The following FHIT variants were observed in gnomAD, a reference collection of about 807,000 sequenced individuals.
FHIT encodes the protein fragile histidine triad diadenosine triphosphatase.
FHIT carries 19 observed loss-of-function variants against 17.9 expected under a neutral mutation model. That is an observed-to-expected ratio of 1.06 (90% CI 0.74 to 1.56). The LOEUF (loss-of-function observed/expected upper bound fraction) is 1.56. Among genes scored for constraint, FHIT ranks in the 40% most tolerant of loss-of-function variants. FHIT has a pLI of 0.00. For missense variants in FHIT, 248 were observed against 189.2 expected (o/e 1.31, Z -1.82); for synonymous variants, 81 against 69.7 (o/e 1.16, Z -0.81).
chr3:60,763,478 G>T (rs530717477), intron 4 of FHIT, among the ~76,000 whole-genome samples: 24 of 152,160 alleles, frequency 1.6e-4, no homozygotes, highest in Non-Finnish European at 3.1e-4. Context: ...GCAATTCAAT[G>T]CATTATCTCT....
intron 4 of FHIT, among the ~76,000 whole-genome samples, chr3:60,571,369 A>AAAAAAAAAC (rs1559549076): frequency 1.7e-5 from 2 of 119,834 alleles, no homozygotes; most frequent in Non-Finnish European, 1.7e-5. Context: ...AAAAAGAACA[A>AAAAAAAAAC]TGAATGACGT....
chr3:61,051,084 A>G (rs1266676473), intron 2 of FHIT, among the ~76,000 whole-genome samples: 2 of 152,190 alleles, frequency 1.3e-5, no homozygotes, highest in Non-Finnish European at 2.9e-5. Flanking sequence ...CAATTATGAC[A>G]TATATCCCAA....
intron 5 of FHIT, among the ~76,000 whole-genome samples, chr3:60,141,107 C>T (rs1170451227): frequency 6.6e-6 from 1 of 152,130 alleles, no homozygotes; most frequent in Admixed American, 6.5e-5. Flanking sequence ...GGACATCAAT[C>T]TGTCAGTCAT....
chr3:60,259,723 C>G (rs75062558), intron 5 of FHIT, among the ~76,000 whole-genome samples: 5,795 of 152,080 alleles, frequency 0.038, 166 homozygotes, highest in East Asian at 0.12. Context: ...CAGTAAGTAG[C>G]TAGGCTGCCC....
At chr3:60,645,719 C>T (rs1031396570) in intron 4 of FHIT, among the ~76,000 whole-genome samples, 2 of 152,142 alleles carry the variant, frequency 1.3e-5, no homozygotes, top group African/African-American at 4.8e-5. Context: ...CTACTACCTA[C>T]GTCGTACACA....
intron 4 of FHIT, among the ~76,000 whole-genome samples, chr3:60,560,640 C>T (rs2036903224): frequency 6.6e-6 from 1 of 152,036 alleles, no homozygotes; most frequent in Admixed American, 6.5e-5. Context: ...CCTTATCTGG[C>T]CTGCTTGCCA....
chr3:60,612,415 C>G (rs782288831), intron 4 of FHIT, among the ~76,000 whole-genome samples: 10 of 152,136 alleles, frequency 6.6e-5, no homozygotes, highest in Non-Finnish European at 1.3e-4. Context: ...GATTACTCCA[C>G]AAAAGATACT....
chr3:60,774,064 T>G (rs941595144), intron 4 of FHIT, among the ~76,000 whole-genome samples: 1 of 152,210 alleles, frequency 6.6e-6, no homozygotes, highest in Non-Finnish European at 1.5e-5. Context: ...GGCAAAATTA[T>G]CTTCATGATG....
intron 5 of FHIT, among the ~76,000 whole-genome samples, chr3:60,396,798 T>G (rs950391872): frequency 1.3e-5 from 2 of 152,214 alleles, no homozygotes; most frequent in Non-Finnish European, 2.9e-5. Flanking sequence ...TTATGTGAAT[T>G]ACATCTCAAT....
intron 2 of FHIT, among the ~76,000 whole-genome samples, chr3:61,120,714 G>A (rs528761074): frequency 6.6e-6 from 1 of 152,030 alleles, no homozygotes; most frequent in Non-Finnish European, 1.5e-5. Flanking sequence ...CTCCTCCCCA[G>A]CAAGGGAACA....
chr3:60,953,443 TAA>T, intron 3 of FHIT, among the ~76,000 whole-genome samples: 1 of 149,938 alleles, frequency 6.7e-6, no homozygotes, highest in Non-Finnish European at 1.5e-5. Context: ...CTATCCTACT[TAA>T]AAAAAAAAGT....
At chr3:59,837,696 A>G (rs1006781073) in intron 8 of FHIT, among the ~76,000 whole-genome samples, 5 of 152,180 alleles carry the variant, frequency 3.3e-5, no homozygotes, top group African/African-American at 9.6e-5. Flanking sequence ...ACGTTTTTCT[A>G]TGAGGAGCAC....
rs116262771 is a variant in FHIT, at chr3:59,793,997, G to A, written c.349-41676C>T. Among the ~76,000 whole-genome samples, 651 of 152,196 alleles carry A rather than the reference G, an allele frequency of 4.3e-3. 3 individuals carry two copies. The highest frequency in any genetic ancestry group is 5.6e-3 in the African/African-American group (234 of 41,516). On this transcript the variant is annotated intron_variant, in intron 8 of 9. Transcript: ENST00000492590. ...GGAGCATTTTTCCATGGGACACGGC[G>A]TGAGAATCCATTAATCTCACTGCCA...
At chr3:59,849,640 G>A (rs1489540964) in intron 8 of FHIT, among the ~76,000 whole-genome samples, 1 of 152,166 alleles carries the variant, frequency 6.6e-6, no homozygotes, top group African/African-American at 2.4e-5. Context: ...CTGAGGGACT[G>A]TATGGAAGAG....
intron 2 of FHIT, among the ~76,000 whole-genome samples, chr3:61,116,035 T>A (rs570651682): frequency 6.6e-6 from 1 of 152,124 alleles, no homozygotes; most frequent in African/African-American, 2.4e-5. Context: ...TGCTAGAAGA[T>A]AAAAGGGACG....
intron 8 of FHIT, 50 bp downstream of exon 8, chr3:59,922,296 C>T (rs368912833): frequency 4.9e-6 from 7 of 1,417,022 alleles, no homozygotes; most frequent in Non-Finnish European, 7.0e-6. Context: ...GATGTCATCC[C>T]ACCGACAGTC....
At chr3:60,605,032 T>A (rs1318659638) in intron 4 of FHIT, among the ~76,000 whole-genome samples, 1 of 152,142 alleles carries the variant, frequency 6.6e-6, no homozygotes, top group African/African-American at 2.4e-5. Flanking sequence ...TCACATTTTT[T>A]AAAATTAGGA....
intron 3 of FHIT, among the ~76,000 whole-genome samples, chr3:60,872,247 C>CA (rs1229505725): frequency 6.6e-5 from 10 of 151,984 alleles, no homozygotes; most frequent in African/African-American, 2.2e-4. Context: ...GCGCTTGTTG[C>CA]AAAAAACATT....
At chr3:59,811,380 A>G (rs1700400556) in intron 8 of FHIT, among the ~76,000 whole-genome samples, 1 of 152,188 alleles carries the variant, frequency 6.6e-6, no homozygotes, top group Non-Finnish European at 1.5e-5. Flanking sequence ...TTCTTTTTTT[A>G]GCCAGCATGT....
Sources: gnomAD v4.1 joint callset for allele counts (sites outside exome capture counted in the v4.1 genomes callset) on GRCh38, gnomAD v4.1.1 for gene constraint, MANE v1.5 for transcripts, NCBI Gene and HGNC (gene_info 2026-07-23, HGNC 2026-07-21) for gene names.